The following FOCAD variants were observed in gnomAD, a reference collection of about 807,000 sequenced individuals.
The protein encoded by FOCAD is KIAA1797.
FOCAD carries 198 observed loss-of-function variants against 225.6 expected under a neutral mutation model. The ratio of observed to expected loss-of-function variants is 0.88; its 90% CI spans 0.78 to 0.99. FOCAD has a LOEUF of 0.99. Among genes scored for constraint, FOCAD ranks in the 50% least tolerant of loss-of-function variants. The pLI is 0.00. For missense variants in FOCAD, 2,713 were observed against 2,123.6 expected, an observed-to-expected ratio of 1.28 and a Z score of -5.46; for synonymous variants, 897 against 755.0, an observed-to-expected ratio of 1.19 and a Z score of -3.08.
chr9:20,816,316 A>G (rs1436467040), intron 11 of FOCAD, among the ~76,000 whole-genome samples: 2 of 152,180 alleles, frequency 1.3e-5, no homozygotes, highest in African/African-American at 4.8e-5. Context: ...ATCTTTCTAG[A>G]AGGGGATAAT....
Position 20,951,024 on chromosome 9 carries a change from T to TC in FOCAD, c.3979dup (p.Gln1327ProfsTer22). ...ATTAGTGTCTCTGGGGTGATTGGTC[T>TC]CCAGTCAAATGCAGTCTGGCTTCTT... On this transcript the variant is annotated frameshift_variant, in exon 34 of 44. Transcript: ENST00000338382. LOFTEE classifies it high-confidence loss of function. The TC allele has an allele frequency of 6.2e-7, 1 of 1,613,554 alleles. No homozygotes were observed. Among genetic ancestry groups the TC allele is most frequent in the Non-Finnish European group, 8.5e-7 (1 of 1,179,534 alleles).
Position 20,948,835 on chromosome 9 carries a change from G to T in FOCAD, c.3799-16G>T. 3 of 1,612,898 alleles carry T rather than the reference G, an allele frequency of 1.9e-6. No individual in the cohort carries two copies. The highest frequency in any genetic ancestry group is 2.5e-6 in the Non-Finnish European group (3 of 1,179,160). On this transcript the variant is annotated splice_polypyrimidine_tract_variant and intron_variant, in intron 31 of 43. Transcript: ENST00000338382. The stretch of plus-strand genomic sequence containing the variant: ...GACTGATTCCCTCTTTTCATATTCT[G>T]ATGCTTTGTTTTCAGGGCACTCCCA...
chr9:20,975,004 C>A (rs1374018134), intron 35 of FOCAD, among the ~76,000 whole-genome samples: 2 of 152,098 alleles, frequency 1.3e-5, no homozygotes, highest in Non-Finnish European at 2.9e-5. Context: ...CCCCCTTTTT[C>A]AGCATCTTCT....
At chr9:20,665,574 T>C (rs1334008969) in intron 2 of FOCAD, among the ~76,000 whole-genome samples, 1 of 152,160 alleles carries the variant, frequency 6.6e-6, no homozygotes, top group East Asian at 1.9e-4. Flanking sequence ...TCTAGAAATA[T>C]GAGAGTAAAA....
chr9:20,989,569 A>G (rs1406118535), intron 41 of FOCAD, among the ~76,000 whole-genome samples: 1 of 152,198 alleles, frequency 6.6e-6, no homozygotes, highest in African/African-American at 2.4e-5. Flanking sequence ...CTATAGTCCC[A>G]GCCACTTGGG....
chr9:20,813,889 T>A (rs139989387), intron 11 of FOCAD, among the ~76,000 whole-genome samples: 17 of 152,326 alleles, frequency 1.1e-4, no homozygotes, highest in African/African-American at 3.4e-4. Flanking sequence ...CAATGTTTGC[T>A]TTATATATCT....
rs756949682 is a variant in FOCAD, at chr9:20,723,381, G to A, written c.287+2847G>A. Among the ~76,000 whole-genome samples, 14 of 152,160 alleles carry A rather than the reference G, an allele frequency of 9.2e-5. 1 individual carries two copies. The highest frequency in any genetic ancestry group is 8.3e-4 in the South Asian group (4 of 4,822). ...CTTATGCCTGTAATCCCAGCTACTC[G>A]GGAGGCTGAGGCAGGAGAATCACTC... On this transcript the variant is annotated intron_variant, in intron 4 of 43. Coordinates refer to ENST00000338382, the MANE Select transcript of FOCAD (RefSeq NM_001375567.1).
intron 39 of FOCAD, among the ~76,000 whole-genome samples, chr9:20,983,390 G>A (rs1349167248): frequency 6.6e-6 from 1 of 152,146 alleles, no homozygotes; most frequent in East Asian, 1.9e-4. Context: ...TGGCCAACAT[G>A]GTGAAACCCC....
upstream of FOCAD, among the ~76,000 whole-genome samples, chr9:20,655,790 G>GA (rs1011461668): frequency 6.6e-6 from 1 of 152,018 alleles, no homozygotes; most frequent in African/African-American, 2.4e-5. Flanking sequence ...GTTCTGCTCT[G>GA]ATTTTAGTTA....
intron 35 of FOCAD, among the ~76,000 whole-genome samples, chr9:20,962,417 C>CACACACATACATACAT (rs142051827): frequency 1.2e-4 from 18 of 149,196 alleles, no homozygotes; most frequent in African/African-American, 2.5e-4. Context: ...TATACACACA[C>CACACACATACATACAT]ACATACATAC....
chr9:20,958,789 A>G lies in FOCAD; in HGVS notation c.4132+5724A>G, dbSNP rs529900052. 1.7e-3 allele frequency among the ~76,000 whole-genome samples: 257 copies of G among 152,220 alleles called. 4 individuals are homozygous for G. The highest frequency in any genetic ancestry group is 5.9e-3 in the African/African-American group (246 of 41,522). On this transcript the variant is annotated intron_variant, in intron 35 of 43. Coordinates refer to ENST00000338382, the MANE Select transcript of FOCAD (RefSeq NM_001375567.1). ...CCACATATGAGTGAGAACATGTGCT[A>G]TTTAACTTTCTGTTCCTGGCTTATT... is the stretch of plus-strand genomic sequence containing the variant.
At chr9:20,754,277 C>T (rs1828840344) in intron 5 of FOCAD, among the ~76,000 whole-genome samples, 1 of 152,130 alleles carries the variant, frequency 6.6e-6, no homozygotes, top group Admixed American at 6.6e-5. Context: ...ATTTTAAATG[C>T]TTTAATTATA....
At chr9:20,950,941 T>C (rs1837628775) in intron 33 of FOCAD, 55 bp from the exon 34 acceptor site, 14 of 1,487,818 alleles carry the variant, frequency 9.4e-6, no homozygotes, top group Non-Finnish European at 1.3e-5. Context: ...TGACCTTTTA[T>C]TGAATGGAAC....
At chr9:20,844,966 A>G (rs1053695954) in intron 15 of FOCAD, among the ~76,000 whole-genome samples, 4 of 151,252 alleles carry the variant, frequency 2.6e-5, no homozygotes, top group Admixed American at 2.0e-4. Flanking sequence ...GTTTATTTTC[A>G]TGTTTGTATT....
In FOCAD at chr9:20,982,417, G is replaced by T. The variant is rs762941085; in HGVS notation, c.4699G>T (p.Asp1567Tyr). The T allele has an allele frequency of 3.1e-6, 5 of 1,613,736 alleles. No individual in the cohort carries two copies. The Admixed American group carries it at 6.7e-5, about 22-fold the overall frequency. Residue 1567 changes from aspartate (D) to tyrosine (Y), a missense_variant, in exon 39 of 44, where the codon GAT (aspartate) becomes TAT (tyrosine). Physicochemically the swap from Asp to Tyr is radical, Grantham distance 160 (BLOSUM62 -3). Coordinates refer to ENST00000338382, the MANE Select transcript of FOCAD (RefSeq NM_001375567.1). ...ATGCCTCTTAGAAATGACAGATGAT[G>T]ATGCCAATCGGATCGCCCAGGTTAC... ...AKCLLEMTDDDANRIAQVTKS... is the reference protein window; with the variant it reads ...AKCLLEMTDDYANRIAQVTKS...
intron 7 of FOCAD, among the ~76,000 whole-genome samples, chr9:20,766,218 T>G (rs1305786701): frequency 1.3e-5 from 2 of 152,170 alleles, no homozygotes; most frequent in African/African-American, 4.8e-5. Flanking sequence ...GTGGAATATT[T>G]CTGGGAATCT....
At chr9:20,856,815 C>T (rs1369146014) in intron 15 of FOCAD, among the ~76,000 whole-genome samples, 1 of 151,968 alleles carries the variant, frequency 6.6e-6, no homozygotes, top group Non-Finnish European at 1.5e-5. Context: ...ATATGGTTAT[C>T]CAGTTTTCCC....
chr9:20,722,668 A>C (rs1374835817), intron 4 of FOCAD, among the ~76,000 whole-genome samples: 1 of 152,240 alleles, frequency 6.6e-6, no homozygotes, highest in Non-Finnish European at 1.5e-5. Flanking sequence ...ATATAAACAC[A>C]AAAATTTTAG....
At chr9:20,659,870 G>T (rs767563385) in intron 2 of FOCAD, among the ~76,000 whole-genome samples, 8 of 152,212 alleles carry the variant, frequency 5.3e-5, no homozygotes, top group Non-Finnish European at 7.3e-5. Context: ...GACTAAGGCA[G>T]TGACCATCGG....
Sources: allele counts gnomAD v4.1 joint callset (sites outside exome capture counted in the v4.1 genomes callset), GRCh38; gene constraint gnomAD v4.1.1; transcripts MANE v1.5; gene names NCBI Gene and HGNC (gene_info 2026-07-23, HGNC 2026-07-21).